ERC2: variants seen among roughly 807,000 people sequenced by gnomAD.
ERC2 encodes ERC protein 2.
ERC2 carries 42 observed loss-of-function variants against 114.8 expected under a neutral mutation model. The ratio of observed to expected loss-of-function variants is 0.37; its 90% confidence interval spans 0.29 to 0.47. The LOEUF is 0.47. Ranked by LOEUF, ERC2 falls within the 20% of genes least tolerant of loss-of-function variation. The probability of loss-of-function intolerance (pLI) is 0.99; values close to 1 mark genes in which losing one functional copy is unlikely to be tolerated. For missense variants in ERC2, 939 were observed against 1,150.7 expected, an observed-to-expected ratio of 0.82 and a Z score of 2.66; for synonymous variants, 454 against 425.5, an observed-to-expected ratio of 1.07 and a Z score of -0.82.
At chr3:56,025,808 G>A (rs1310497872) in intron 7 of ERC2, among the ~76,000 whole-genome samples, 2 of 151,970 alleles carry the variant, frequency 1.3e-5, no homozygotes, top group East Asian at 3.9e-4. Flanking sequence ...ACATAATATG[G>A]GAACCATTCT....
intron 14 of ERC2, among the ~76,000 whole-genome samples, chr3:55,785,933 T>C (rs1430577564): frequency 2.0e-5 from 3 of 152,234 alleles, no homozygotes; most frequent in East Asian, 1.9e-4. Flanking sequence ...AAATTGGCCA[T>C]GTGTTTAACA....
intron 1 of ERC2, among the ~76,000 whole-genome samples, chr3:56,466,821 A>T (rs1347904852): frequency 6.6e-6 from 1 of 152,196 alleles, no homozygotes; most frequent in Non-Finnish European, 1.5e-5. Flanking sequence ...GACAAGAGTG[A>T]CCATAGGAGA....
intron 17 of ERC2, among the ~76,000 whole-genome samples, chr3:55,573,661 C>CAGAG (rs1171786599): frequency 2.6e-5 from 4 of 152,020 alleles, no homozygotes; most frequent in African/African-American, 9.7e-5. Flanking sequence ...CTCCTTAGTC[C>CAGAG]TCTGCTTGCC....
At chr3:55,563,322 T>G (rs1392263598) in intron 17 of ERC2, among the ~76,000 whole-genome samples, 2 of 150,296 alleles carry the variant, frequency 1.3e-5, no homozygotes, top group Non-Finnish European at 3.0e-5. Flanking sequence ...ATCCTGAGTG[T>G]CTTTCCTTTT....
chr3:55,526,173 CGGAAGAGGCAA>C (rs771750025), intron 17 of ERC2, among the ~76,000 whole-genome samples: 9 of 152,086 alleles, frequency 5.9e-5, no homozygotes, highest in Non-Finnish European at 1.0e-4. Context: ...ACCAGAAGCT[CGGAAGAGGCAA>C]GGAAGGGTCT....
intron 17 of ERC2, among the ~76,000 whole-genome samples, chr3:55,674,870 A>T (rs1322969947): frequency 6.6e-6 from 1 of 152,164 alleles, no homozygotes; most frequent in Admixed American, 6.5e-5. Flanking sequence ...AAAAGAAGGG[A>T]CCTGATTTAT....
At chr3:55,691,339 G>A (rs2062628765) in intron 16 of ERC2, among the ~76,000 whole-genome samples, 1 of 151,810 alleles carries the variant, frequency 6.6e-6, no homozygotes. Flanking sequence ...CAAAATGCAT[G>A]CCAGGATATC....
chr3:55,560,417 G>A (rs2055926104), intron 17 of ERC2, among the ~76,000 whole-genome samples: 1 of 152,194 alleles, frequency 6.6e-6, no homozygotes, highest in African/African-American at 2.4e-5. Flanking sequence ...TCTGTCCCAT[G>A]CACCTTGGTC....
intron 10 of ERC2, among the ~76,000 whole-genome samples, chr3:55,996,907 G>T (rs1336193811): frequency 6.6e-6 from 1 of 152,140 alleles, no homozygotes; most frequent in African/African-American, 2.4e-5. Flanking sequence ...AGCCAAAAAT[G>T]GCTAAAGCCA....
intron 2 of ERC2, among the ~76,000 whole-genome samples, chr3:56,400,846 C>T (rs552385159): frequency 6.6e-6 from 1 of 152,238 alleles, no homozygotes; most frequent in African/African-American, 2.4e-5. Flanking sequence ...CTGACGTATG[C>T]TAAGAAATCT....
chr3:55,870,707 G>A (rs1177344637), intron 14 of ERC2, among the ~76,000 whole-genome samples: 1 of 152,150 alleles, frequency 6.6e-6, no homozygotes, highest in African/African-American at 2.4e-5. Flanking sequence ...TTCCCAGGGG[G>A]CTAAGGAGCC....
At chr3:55,621,526 T>C (rs144651588) in intron 17 of ERC2, among the ~76,000 whole-genome samples, 1 of 151,768 alleles carries the variant, frequency 6.6e-6, no homozygotes, top group Non-Finnish European at 1.5e-5. Flanking sequence ...CCCCAAGCAC[T>C]GATTTCAGGC....
At chr3:55,641,549 CAAAAAAAAAAAAAAA>C (rs57407975) in intron 17 of ERC2, among the ~76,000 whole-genome samples, 1 of 28,326 alleles carries the variant, frequency 3.5e-5, no homozygotes, top group Non-Finnish European at 5.8e-5. Context: ...GATTCTATCT[CAAAAAAAAAAAAAAA>C]AAAAAAAAAA....
intron 12 of ERC2, among the ~76,000 whole-genome samples, chr3:55,966,236 A>T (rs2068740769): frequency 6.6e-6 from 1 of 152,126 alleles, no homozygotes; most frequent in Non-Finnish European, 1.5e-5. Flanking sequence ...CTATTTCCTC[A>T]ATGGACATAA....
chr3:55,775,744 A>G (rs1297337510), intron 14 of ERC2, among the ~76,000 whole-genome samples: 2 of 152,148 alleles, frequency 1.3e-5, no homozygotes, highest in African/African-American at 4.8e-5. Context: ...ATCCAATGAG[A>G]AAATACTTTC....
chr3:56,114,355 A>G (rs1360653392), intron 6 of ERC2, among the ~76,000 whole-genome samples: 1 of 152,246 alleles, frequency 6.6e-6, no homozygotes, highest in Non-Finnish European at 1.5e-5. Context: ...AATGCTAGTC[A>G]GTTATTGTGT....
At chr3:55,768,167 G>A (rs1015386181) in intron 14 of ERC2, among the ~76,000 whole-genome samples, 1 of 152,176 alleles carries the variant, frequency 6.6e-6, no homozygotes, top group African/African-American at 2.4e-5. Flanking sequence ...GCAAAACCAT[G>A]AGCCAATTAA....
chr3:56,133,595 G>A (rs1416562247), intron 6 of ERC2, among the ~76,000 whole-genome samples: 1 of 152,150 alleles, frequency 6.6e-6, no homozygotes, highest in African/African-American at 2.4e-5. Context: ...ATTTACCTCT[G>A]TATGACCTTG....
At chr3:55,610,041 A>C (rs1014964089) in intron 17 of ERC2, among the ~76,000 whole-genome samples, 1 of 143,600 alleles carries the variant, frequency 7.0e-6, no homozygotes, top group Non-Finnish European at 1.5e-5. Context: ...CTTGAGAGAA[A>C]GCAAAAAACA....
Sources: allele counts gnomAD v4.1 joint callset (sites outside exome capture counted in the v4.1 genomes callset), GRCh38; gene constraint gnomAD v4.1.1; transcripts MANE v1.5; gene names NCBI Gene and HGNC (gene_info 2026-07-23, HGNC 2026-07-21).